USH2A: variants seen among roughly 807,000 people sequenced by gnomAD.
USH2A encodes usherin, also known as Usher syndrome 2A (autosomal recessive, mild).
USH2A carries 443 observed loss-of-function variants against 538.9 expected under a neutral mutation model. That is an observed-to-expected ratio of 0.82 (90% confidence interval 0.76 to 0.89). The LOEUF is 0.89. USH2A is among the 40% of genes least tolerant of loss of function. USH2A has a pLI of 0.00. For synonymous variants in USH2A, 2,413 were observed against 2,273.5 expected, an observed-to-expected ratio of 1.06 and a Z score of -1.75; for missense variants, 6,633 against 6,324.8, an observed-to-expected ratio of 1.05 and a Z score of -1.65.
rs756571165 is a variant in USH2A, at chr1:215,773,484, G to GTC, written c.10939+6357_10939+6358dup. On this transcript the variant is annotated intron_variant, in intron 55 of 71. Transcript: ENST00000307340. The stretch of plus-strand genomic sequence containing the variant: ...CTCCCCACTTTACGGATGTCTCTCT[G>GTC]TCTCTCTGTCTCTCTCTCTCTCTCT... Among the ~76,000 whole-genome samples the GTC allele has an allele frequency of 2.6e-3, 295 of 112,208 alleles. 7 individuals are homozygous for GTC. Among genetic ancestry groups the GTC allele is most frequent in the East Asian group, 0.016 (50 of 3,048 alleles). 73.6% of individuals were successfully genotyped at this position (112,208 alleles called of 152,430 possible).
chr1:216,060,419 T>A (rs1386743375), intron 30 of USH2A, among the ~76,000 whole-genome samples: 1 of 152,190 alleles, frequency 6.6e-6, no homozygotes, highest in African/African-American at 2.4e-5. Context: ...TTAAGTCCAT[T>A]GTATGTAAAG....
At chr1:215,906,829 TTG>T (rs1665650660) in intron 38 of USH2A, among the ~76,000 whole-genome samples, 1 of 152,018 alleles carries the variant, frequency 6.6e-6, no homozygotes, top group African/African-American at 2.4e-5. Flanking sequence ...ATTTTAAAAA[TTG>T]TGTTTTCGTA....
chr1:216,295,828 A>G (rs544927137), intron 9 of USH2A, among the ~76,000 whole-genome samples: 2 of 152,152 alleles, frequency 1.3e-5, no homozygotes, highest in South Asian at 2.1e-4. Flanking sequence ...AACTATTTTC[A>G]TATTGGGACA....
intron 35 of USH2A, among the ~76,000 whole-genome samples, chr1:215,979,649 C>T (rs1315770061): frequency 6.6e-6 from 1 of 151,982 alleles, no homozygotes. Flanking sequence ...TGCTGCATTT[C>T]AGCAGTAGTC....
chr1:216,072,519 G>A, intron 29 of USH2A: 1 of 311,806 alleles, frequency 3.2e-6, no homozygotes, highest in Non-Finnish European at 6.2e-6. Context: ...GCCACTCCCA[G>A]CCAAGGATAA....
rs532698430 is a variant in USH2A, at chr1:215,658,626, T to G, written c.14134-7825A>C. On this transcript the variant is annotated intron_variant, in intron 64 of 71. Transcript: ENST00000307340. ...GTGGGTTGCTGTCCTGGGCTTTTCATAGAGCCCTGCGTGGACTGGCTTTTT... is the reference window on the plus strand; with the variant it reads ...GTGGGTTGCTGTCCTGGGCTTTTCAGAGAGCCCTGCGTGGACTGGCTTTTT... Among the ~76,000 whole-genome samples the G allele has an allele frequency of 2.0e-5, 3 of 152,314 alleles. No homozygotes were observed. In the South Asian group the frequency reaches 6.2e-4, roughly 32 times the overall value.
intron 12 of USH2A, among the ~76,000 whole-genome samples, chr1:216,249,411 A>C (rs2036114524): frequency 1.3e-5 from 2 of 152,132 alleles, no homozygotes; most frequent in African/African-American, 4.8e-5. Flanking sequence ...AGAAGTAATT[A>C]TTTCACTGTC....
At chr1:215,649,720 A>C (rs1005977029) in intron 65 of USH2A, among the ~76,000 whole-genome samples, 4 of 152,196 alleles carry the variant, frequency 2.6e-5, no homozygotes, top group African/African-American at 9.7e-5. Flanking sequence ...ACACTTGCCC[A>C]AATTGTTCCC....
intron 38 of USH2A, among the ~76,000 whole-genome samples, chr1:215,912,453 G>GTA (rs780000613): frequency 0.078 from 3,320 of 42,814 alleles, 67 homozygotes; most frequent in South Asian, 0.099. Flanking sequence ...GTAGGTATGT[G>GTA]TATATATATA....
intron 55 of USH2A, among the ~76,000 whole-genome samples, chr1:215,769,854 G>A (rs1001792487): frequency 9.2e-5 from 14 of 152,170 alleles, no homozygotes; most frequent in African/African-American, 2.9e-4. Flanking sequence ...AGAACCAGGA[G>A]GATGAGAGTG....
chr1:216,272,402 TA>T (rs757202167), intron 11 of USH2A, among the ~76,000 whole-genome samples: 34 of 152,164 alleles, frequency 2.2e-4, no homozygotes, highest in Non-Finnish European at 3.5e-4. Flanking sequence ...TCAACTTTAT[TA>T]ACCTTTTCAA....
At chr1:215,929,827 G>C (rs1375274586) in intron 38 of USH2A, among the ~76,000 whole-genome samples, 1 of 151,906 alleles carries the variant, frequency 6.6e-6, no homozygotes, top group African/African-American at 2.4e-5. Context: ...CTTGTTTCTA[G>C]GACTCCAACG....
At chr1:215,671,334 T>G in intron 63 of USH2A, 41 bp from the exon 64 acceptor site, 1 of 1,600,980 alleles carries the variant, frequency 6.2e-7, no homozygotes, top group Non-Finnish European at 8.5e-7. Context: ...TTCAGCAAAA[T>G]AGATTTTCAT....
chr1:215,914,409 T>G (rs991633710), intron 38 of USH2A, among the ~76,000 whole-genome samples: 1 of 152,062 alleles, frequency 6.6e-6, no homozygotes, highest in Non-Finnish European at 1.5e-5. Context: ...AACGAGAGAA[T>G]CACAGTAAAT....
intron 19 of USH2A, among the ~76,000 whole-genome samples, chr1:216,193,044 G>C (rs2034753158): frequency 6.6e-6 from 1 of 152,050 alleles, no homozygotes; most frequent in South Asian, 2.1e-4. Flanking sequence ...TTCTAAGGCT[G>C]TATTTTATAA....
intron 38 of USH2A, among the ~76,000 whole-genome samples, chr1:215,933,615 C>G (rs938401240): frequency 1.3e-5 from 2 of 151,938 alleles, no homozygotes; most frequent in Non-Finnish European, 1.5e-5. Context: ...TCCATACAAA[C>G]TGAAGATTCC....
At chr1:215,811,763 G>A (rs773526032) in intron 49 of USH2A, among the ~76,000 whole-genome samples, 9 of 151,652 alleles carry the variant, frequency 5.9e-5, no homozygotes, top group Middle Eastern at 3.4e-3. Context: ...AAAATTAGCC[G>A]GGTGTGGTGG....
chr1:216,205,398 C>T (rs797004066), intron 16 of USH2A, among the ~76,000 whole-genome samples: 2 of 152,142 alleles, frequency 1.3e-5, no homozygotes, highest in South Asian at 2.1e-4. Context: ...TTGCAATCTG[C>T]ATCATGAAGT....
chr1:216,275,150 T>C (rs572410689), intron 11 of USH2A, among the ~76,000 whole-genome samples: 112 of 151,686 alleles, frequency 7.4e-4, no homozygotes, highest in Admixed American at 2.5e-3. Flanking sequence ...CTCTCTCTCT[T>C]TTTTTTTGGA....
Sources: allele counts gnomAD v4.1 joint callset (sites outside exome capture counted in the v4.1 genomes callset), GRCh38; gene constraint gnomAD v4.1.1; transcripts MANE v1.5; gene names NCBI Gene and HGNC (gene_info 2026-07-23, HGNC 2026-07-21).